NXNL2: variants seen among roughly 807,000 people sequenced by gnomAD.
The protein encoded by NXNL2 is nucleoredoxin-like protein 2.
In NXNL2, 7 loss-of-function variants were observed where a neutral mutation model predicts 11.1. That is an observed-to-expected ratio of 0.63 (90% confidence interval 0.36 to 1.18). The LOEUF is 1.18. Ranked by LOEUF, NXNL2 falls within the 50% of genes most tolerant of loss-of-function variation. The probability of loss-of-function intolerance (pLI) is 0.02; values close to 1 mark genes in which losing one functional copy is unlikely to be tolerated. For missense variants in NXNL2, 233 were observed against 217.7 expected, an observed-to-expected ratio of 1.07 and a Z score of -0.44; for synonymous variants, 109 against 101.8, an observed-to-expected ratio of 1.07 and a Z score of -0.42.
chr9:88,545,827 C>T (rs577284388), downstream of NXNL2, among the ~76,000 whole-genome samples: 31 of 151,912 alleles, frequency 2.0e-4, no homozygotes, highest in African/African-American at 5.8e-4. Flanking sequence ...AGTGCAATGG[C>T]GCGGTCTCAG....
At position 88,544,712 on chromosome 9, in the gene NXNL2, A is replaced by G; in HGVS notation, c.*165A>G. 2.1e-6 allele frequency: 3 copies of G among 1,398,946 alleles called. No homozygotes were observed. Among genetic ancestry groups the G allele is most frequent in the Non-Finnish European group, 1.9e-6 (2 of 1,080,424 alleles). The allele number at this position is 1,398,946 out of a possible 1,614,324, so 86.7% of individuals were successfully genotyped here. A position where few individuals can be genotyped will look rare whatever the true frequency, so the allele number is the denominator to read the frequency against. ...AAAAGCAACTATTGCTCAGGAAATA[A>G]TACACTCCATATTTTGATCATGCAG... On this transcript the variant is annotated 3_prime_UTR_variant, in exon 2 of 2. Coordinates refer to ENST00000375854, the MANE Select transcript of NXNL2 (RefSeq NM_001161625.2).
At chr9:88,551,602 G>A (rs1489168506) in intron 1 of NXNL2, among the ~76,000 whole-genome samples, 1 of 151,976 alleles carries the variant, frequency 6.6e-6, no homozygotes, top group African/African-American at 2.4e-5. Context: ...TTTTTAAAAT[G>A]TCTTCTTTCT....
chr9:88,582,828 CA>C (rs1830424027), intron 1 of NXNL2, among the ~76,000 whole-genome samples: 3 of 152,102 alleles, frequency 2.0e-5, no homozygotes, highest in African/African-American at 7.2e-5. Flanking sequence ...GCCCCACACC[CA>C]GCTAATTTTT....
chr9:88,574,545 G>T (rs934038419), intron 2 of NXNL2, among the ~76,000 whole-genome samples: 1 of 152,206 alleles, frequency 6.6e-6, no homozygotes, highest in African/African-American at 2.4e-5. Context: ...ATTCTTTTGA[G>T]TTTCTGATTA....
At chr9:88,580,915 T>C (rs185741861) in intron 1 of NXNL2, among the ~76,000 whole-genome samples, 187 of 152,374 alleles carry the variant, frequency 1.2e-3, no homozygotes, top group Non-Finnish European at 2.1e-3. Flanking sequence ...GGCCATGATT[T>C]TGTGGCACGT....
chr9:88,544,312 A>C, intron 1 of NXNL2, 67 bp from the exon 2 acceptor site: 1 of 1,406,552 alleles, frequency 7.1e-7, no homozygotes, highest in South Asian at 1.3e-5. Flanking sequence ...GGCTGGAGGG[A>C]GGGGGCGTGT....
intron 1 of NXNL2, 101 bp downstream of exon 1, chr9:88,535,837 C>G (rs1264277376): frequency 2.3e-6 from 2 of 875,604 alleles, no homozygotes; most frequent in Non-Finnish European, 3.4e-6. Context: ...TGACGCCCCC[C>G]CCCAACACCT....
In NXNL2 at chr9:88,539,293, A is replaced by G. The variant is rs555679064; in HGVS notation, c.302+3557A>G. Among the ~76,000 whole-genome samples the G allele has an allele frequency of 3.3e-5, 5 of 152,282 alleles. No homozygotes were observed. In the East Asian group the frequency reaches 7.7e-4, roughly 24 times the overall value. On this transcript the variant is annotated intron_variant, in intron 1 of 1. Coordinates refer to ENST00000375854, the MANE Select transcript of NXNL2 (RefSeq NM_001161625.2). ...AAAGGCTGGTGCATGGACCCATGTC[A>G]GTTGGGAATCTGTCAGGAGTGCAGA...
intron 1 of NXNL2, among the ~76,000 whole-genome samples, chr9:88,564,171 A>G (rs561792486): frequency 4.1e-4 from 62 of 149,694 alleles, no homozygotes; most frequent in African/African-American, 1.1e-3. Flanking sequence ...AGATTGCACC[A>G]TTGCACTCCA....
intron 1 of NXNL2, among the ~76,000 whole-genome samples, chr9:88,582,040 G>A (rs1317870262): frequency 6.6e-6 from 1 of 152,132 alleles, no homozygotes; most frequent in East Asian, 1.9e-4. Context: ...GAGCTCATTC[G>A]GGGTTCTCAT....
intron 1 of NXNL2, among the ~76,000 whole-genome samples, chr9:88,561,565 A>C (rs953562163): frequency 6.6e-6 from 1 of 152,096 alleles, no homozygotes; most frequent in African/African-American, 2.4e-5. Context: ...TGACACACAC[A>C]AACCAGTCTA....
rs1428252639 is a variant in NXNL2, at chr9:88,535,235, C to A, written c.-200C>A. On this transcript the variant is annotated 5_prime_UTR_variant, in exon 1 of 2. Transcript: ENST00000375854. ...TGGGGTCTCTGGTGTCTGAGTGTCT[C>A]ATTGTCGGCGCGAACACAATTGCTC... 3.5e-6 allele frequency: 2 copies of A among 569,414 alleles called. No individual in the cohort carries two copies. The highest frequency in any genetic ancestry group is 2.0e-5 in the African/African-American group (1 of 50,414). 35.3% of individuals were successfully genotyped at this position (569,414 alleles called of 1,614,324 possible).
At chr9:88,558,799 G>A (rs1348887124) in intron 1 of NXNL2, among the ~76,000 whole-genome samples, 1 of 152,088 alleles carries the variant, frequency 6.6e-6, no homozygotes, top group Admixed American at 6.5e-5. Flanking sequence ...GAAGTGAGTG[G>A]TGAGTGGTAG....
At chr9:88,566,973 CATCTATCTATCT>C (rs371496393) in intron 1 of NXNL2, among the ~76,000 whole-genome samples, 86 of 123,550 alleles carry the variant, frequency 7.0e-4, no homozygotes, top group African/African-American at 2.0e-3. Context: ...TATTATCTAT[CATCTATCTATCT>C]ATCTATCTAT....
At chr9:88,566,088 C>A (rs1830166447) in intron 1 of NXNL2, among the ~76,000 whole-genome samples, 1 of 152,120 alleles carries the variant, frequency 6.6e-6, no homozygotes, top group South Asian at 2.1e-4. Context: ...TGGAAATCAG[C>A]CTCTTATCAG....
chr9:88,577,623 A>AAGAGAGAAAGAG (rs1830362950), downstream of NXNL2, among the ~76,000 whole-genome samples: 1 of 149,394 alleles, frequency 6.7e-6, no homozygotes. Context: ...TGGAGAGAGA[A>AAGAGAGAAAGAG]AGAGAGAGAG....
At chr9:88,548,645 T>G (rs1829885069), downstream of NXNL2, among the ~76,000 whole-genome samples, 1 of 139,154 alleles carries the variant, frequency 7.2e-6, no homozygotes, top group Non-Finnish European at 1.5e-5. Context: ...ATGGCACCAC[T>G]GCACTCCAGC....
chr9:88,578,733 C>T (rs566725356), downstream of NXNL2, among the ~76,000 whole-genome samples: 1 of 152,364 alleles, frequency 6.6e-6, no homozygotes, highest in African/African-American at 2.4e-5. Flanking sequence ...CATCTCCTGA[C>T]TTCCTTAGGG....
chr9:88,576,206 AAAACAAAC>A (rs565558510), downstream of NXNL2, among the ~76,000 whole-genome samples: 1 of 152,230 alleles, frequency 6.6e-6, no homozygotes, highest in Non-Finnish European at 1.5e-5. Context: ...AAAAGAAAAC[AAAACAAAC>A]AAACAAACAA....
Sources: allele counts gnomAD v4.1 joint callset (sites outside exome capture counted in the v4.1 genomes callset), GRCh38; gene constraint gnomAD v4.1.1; transcripts MANE v1.5; gene names NCBI Gene and HGNC (gene_info 2026-07-23, HGNC 2026-07-21).